MEGF11: variants seen among roughly 807,000 people sequenced by gnomAD.
MEGF11 encodes the protein multiple epidermal growth factor-like domains protein 11.
MEGF11 carries 126 observed loss-of-function variants against 146.6 expected under a neutral mutation model. The ratio of observed to expected loss-of-function variants is 0.86; its 90% CI spans 0.74 to 1.00. The LOEUF is 1.00. MEGF11 is among the 50% of genes least tolerant of loss of function. The pLI is 0.00. For missense variants in MEGF11, 1,509 were observed against 1,521.2 expected (o/e 0.99, Z 0.13); for synonymous variants, 532 against 583.4 (o/e 0.91, Z 1.27).
intron 1 of MEGF11, among the ~76,000 whole-genome samples, chr15:66,195,746 T>C (rs1372275273): frequency 2.0e-5 from 3 of 152,144 alleles, no homozygotes; most frequent in Non-Finnish European, 4.4e-5. Flanking sequence ...TACACTAGCA[T>C]GTAGGTTCCC....
intron 1 of MEGF11, among the ~76,000 whole-genome samples, chr15:66,228,267 G>A (rs2091894645): frequency 6.6e-6 from 1 of 152,080 alleles, no homozygotes. Context: ...CATTCAAGTA[G>A]GAGAGTCAAT....
At chr15:66,121,792 C>T (rs148855729) in intron 3 of MEGF11, among the ~76,000 whole-genome samples, 1 of 152,276 alleles carries the variant, frequency 6.6e-6, no homozygotes, top group African/African-American at 2.4e-5. Context: ...AGCAGCCTAG[C>T]TAATGCTAAA....
intron 1 of MEGF11, among the ~76,000 whole-genome samples, chr15:66,162,747 T>A (rs921850524): frequency 6.6e-6 from 1 of 152,130 alleles, no homozygotes; most frequent in African/African-American, 2.4e-5. Flanking sequence ...TCTGTAAAGA[T>A]TCCTCCAGCT....
chr15:66,116,099 CATGCCTTTGCTG>C (rs1032311911), intron 4 of MEGF11, among the ~76,000 whole-genome samples: 1 of 152,200 alleles, frequency 6.6e-6, no homozygotes, highest in African/African-American at 2.4e-5. Flanking sequence ...CGCCCACCTC[CATGCCTTTGCTG>C]ATGGGGTTCC....
At chr15:66,198,570 C>T (rs1485110554) in intron 1 of MEGF11, among the ~76,000 whole-genome samples, 2 of 152,232 alleles carry the variant, frequency 1.3e-5, no homozygotes, top group Non-Finnish European at 2.9e-5. Flanking sequence ...ACTGTAACCT[C>T]TGTCTCCTGG....
At chr15:65,926,515 GC>G (rs1360032300) in intron 13 of MEGF11, among the ~76,000 whole-genome samples, 2 of 152,230 alleles carry the variant, frequency 1.3e-5, no homozygotes, top group African/African-American at 4.8e-5. Context: ...GCTCAGGGCA[GC>G]CCCAAACCTG....
intron 1 of MEGF11, among the ~76,000 whole-genome samples, chr15:66,167,936 A>G (rs1177569098): frequency 6.6e-6 from 1 of 152,158 alleles, no homozygotes; most frequent in Non-Finnish European, 1.5e-5. Flanking sequence ...TTCCCCCCTG[A>G]ACCCCTGCTG....
intron 1 of MEGF11, among the ~76,000 whole-genome samples, chr15:66,225,300 T>G (rs2091828883): frequency 6.6e-6 from 1 of 152,204 alleles, no homozygotes. Flanking sequence ...AGAGGCCTCT[T>G]CAGCATGCTT....
intron 1 of MEGF11, among the ~76,000 whole-genome samples, chr15:66,136,407 C>T (rs891822559): frequency 1.3e-5 from 2 of 152,152 alleles, no homozygotes; most frequent in African/African-American, 4.8e-5. Flanking sequence ...GACCACGTCT[C>T]CCCAGTCAAT....
At chr15:66,169,146 C>A (rs1485294445) in intron 1 of MEGF11, among the ~76,000 whole-genome samples, 1 of 152,258 alleles carries the variant, frequency 6.6e-6, no homozygotes, top group Non-Finnish European at 1.5e-5. Flanking sequence ...CCCCAGGCAG[C>A]TTCTGTTCAG....
intron 23 of MEGF11, among the ~76,000 whole-genome samples, chr15:65,907,514 T>G (rs1449595126): frequency 6.6e-6 from 1 of 152,114 alleles, no homozygotes. Context: ...AGGCTGGTCT[T>G]GAACTCCTGA....
chr15:66,073,094 G>T, intron 5 of MEGF11, among the ~76,000 whole-genome samples: 1 of 152,340 alleles, frequency 6.6e-6, no homozygotes, highest in Non-Finnish European at 1.5e-5. Flanking sequence ...AGCAAGACAT[G>T]TGGCCATGTC....
intron 1 of MEGF11, among the ~76,000 whole-genome samples, chr15:66,195,321 C>T (rs926484727): frequency 6.6e-6 from 1 of 152,214 alleles, no homozygotes; most frequent in Non-Finnish European, 1.5e-5. Context: ...GGGACACCAT[C>T]AGTCCACAAC....
chr15:66,147,594 G>A (rs1225264707), intron 1 of MEGF11, among the ~76,000 whole-genome samples: 1 of 152,214 alleles, frequency 6.6e-6, no homozygotes, highest in African/African-American at 2.4e-5. Flanking sequence ...ACCAGGTAGG[G>A]CAACAGTGCT....
rs375130635 is a variant in MEGF11, at chr15:65,957,594, C to T, written c.1240G>A (p.Asp414Asn). 1.1e-5 allele frequency: 17 copies of T among 1,613,716 alleles called. No individual in the cohort carries two copies. Among genetic ancestry groups the T allele is most frequent in the African/African-American group, 8.0e-5 (6 of 74,910 alleles). The part of the protein sequence containing the change: ...QLPCTCQNGA[D>N]CHSITGGCTC... ...CAGCCCCCAGTGATGCTGTGGCAGTCGGCGCCATTCTGACAGGTGCAAGGC... is the reference window on the plus strand; with the variant it reads ...CAGCCCCCAGTGATGCTGTGGCAGTTGGCGCCATTCTGACAGGTGCAAGGC... The change falls in exon 10 of 26, where the codon GAC (aspartate) becomes AAC (asparagine). Residue 414 changes from aspartate to asparagine, a missense_variant. By Grantham distance (23) the Asp-to-Asn change is conservative. Transcript: ENST00000395614.
intron 5 of MEGF11, among the ~76,000 whole-genome samples, chr15:66,094,176 C>A (rs541924334): frequency 6.6e-6 from 1 of 152,194 alleles, no homozygotes; most frequent in East Asian, 1.9e-4. Context: ...CAATTCCCTA[C>A]ACATACAACA....
At chr15:65,997,131 G>C (rs1212204336) in intron 5 of MEGF11, among the ~76,000 whole-genome samples, 6 of 152,242 alleles carry the variant, frequency 3.9e-5, no homozygotes, top group Admixed American at 2.6e-4. Context: ...CTGCCAGTCA[G>C]AGGACACTCT....
At chr15:65,909,211 A>C (rs2078720090) in intron 22 of MEGF11, 76 bp from the exon 23 acceptor site, 1 of 1,066,640 alleles carries the variant, frequency 9.4e-7, no homozygotes. Context: ...TAGGAAGTAC[A>C]CAAGTGGGCC....
chr15:66,135,208 T>G (rs2088836403), intron 1 of MEGF11, among the ~76,000 whole-genome samples: 1 of 152,204 alleles, frequency 6.6e-6, no homozygotes, highest in Non-Finnish European at 1.5e-5. Flanking sequence ...TCAAAGACTC[T>G]TCTAACTCTG....
Sources: gnomAD v4.1 joint callset for allele counts (sites outside exome capture counted in the v4.1 genomes callset) on GRCh38, gnomAD v4.1.1 for gene constraint, MANE v1.5 for transcripts, NCBI Gene and HGNC (gene_info 2026-07-23, HGNC 2026-07-21) for gene names.